The following PCM1 variants were observed in gnomAD, a reference collection of about 807,000 sequenced individuals.
PCM1 encodes pericentriolar material 1.
In PCM1, 157 loss-of-function variants were observed where a neutral mutation model predicts 241.9. The ratio of observed to expected loss-of-function variants is 0.65; its 90% CI spans 0.57 to 0.74. The LOEUF is 0.74. PCM1 is among the 30% of genes least tolerant of loss of function. The probability of loss-of-function intolerance (pLI) is 0.00; values close to 1 mark genes in which losing one functional copy is unlikely to be tolerated. For synonymous variants in PCM1, 1,085 were observed against 784.9 expected (o/e 1.38, Z -6.39); for missense variants, 3,478 against 2,360.1 (o/e 1.47, Z -9.81).
rs796282724 is a variant in PCM1 at position 18,029,805 on chromosome 8, ATGAG to A, written c.*2148_*2151del. On this transcript the variant is annotated 3_prime_UTR_variant, in exon 39 of 39. Transcript: ENST00000325083. ...ATAGATAGAGGGAGAAAAGTTCAAA[ATGAG>A]TGAGAGAGAACTTTATGCAGGTTGA... 1.5e-5 allele frequency: 3 copies of A among 196,546 alleles called. No homozygotes were observed. The highest frequency in any genetic ancestry group is 4.6e-5 in the African/African-American group (2 of 43,442). 12.2% of individuals were successfully genotyped at this position (196,546 alleles called of 1,614,324 possible). A position where few individuals can be genotyped will look rare whatever the true frequency, so the allele number is the denominator to read the frequency against.
intron 36 of PCM1, among the ~76,000 whole-genome samples, chr8:18,016,672 T>TTGTA (rs1400571385): frequency 6.6e-6 from 1 of 152,190 alleles, no homozygotes; most frequent in African/African-American, 2.4e-5. Context: ...ATAAAATGAA[T>TTGTA]TGTATGTAGG....
At chr8:17,946,866 TGTGTG>T (rs1360718643) in intron 6 of PCM1, among the ~76,000 whole-genome samples, 2 of 151,542 alleles carry the variant, frequency 1.3e-5, no homozygotes, top group African/African-American at 4.9e-5. Flanking sequence ...TGTGTGTGTG[TGTGTG>T]TCCATGTGTC....
At chr8:17,936,668 A>G (rs1201222961) in intron 3 of PCM1, among the ~76,000 whole-genome samples, 1 of 152,224 alleles carries the variant, frequency 6.6e-6, no homozygotes, top group Non-Finnish European at 1.5e-5. Context: ...AGCAAAATAA[A>G]TAGCCTAGGG....
At chr8:17,928,737 T>C (rs1585485433) in intron 2 of PCM1, among the ~76,000 whole-genome samples, 1 of 150,956 alleles carries the variant, frequency 6.6e-6, no homozygotes, top group African/African-American at 2.4e-5. Context: ...GTTCAAACGA[T>C]TCTCCTGCCT....
rs1446834823 is a variant in PCM1 at position 17,995,626 on chromosome 8, A to G, written c.4827+2007A>G. Among the ~76,000 whole-genome samples the G allele has an allele frequency of 1.3e-5, 2 of 151,340 alleles. 1 individual carries two copies. The highest frequency in any genetic ancestry group is 4.1e-4 in the South Asian group (2 of 4,832). On this transcript the variant is annotated intron_variant, in intron 29 of 38. Coordinates refer to ENST00000325083, the MANE Select transcript of PCM1 (RefSeq NM_006197.4). ...GAATGTCATTGGTATTTTGATCACA[A>G]TTGTATTGAATCTGTAGATTGCTTC...
intron 3 of PCM1, among the ~76,000 whole-genome samples, chr8:17,936,622 C>T (rs138320561): frequency 5.6e-4 from 85 of 152,102 alleles, no homozygotes; most frequent in African/African-American, 1.9e-3. Context: ...TTGAAGGTGA[C>T]ACTATTTTAG....
chr8:18,004,569 A>AAC (rs1421188734), intron 29 of PCM1, among the ~76,000 whole-genome samples: 12 of 152,338 alleles, frequency 7.9e-5, no homozygotes, highest in African/African-American at 2.9e-4. Flanking sequence ...GAGGCCAGTA[A>AAC]AGAGTAGAAC....
chr8:17,944,056 C>G (rs76043107), intron 6 of PCM1, among the ~76,000 whole-genome samples: 1 of 152,290 alleles, frequency 6.6e-6, no homozygotes, highest in Non-Finnish European at 1.5e-5. Context: ...GCCATGCGTT[C>G]ATTGTTTTCC....
rs769038844 is a variant in PCM1 at position 17,969,738 on chromosome 8, G to A, written c.3574G>A (p.Glu1192Lys). 6.6e-7 allele frequency: 1 copy of A among 1,523,114 alleles called. No homozygotes were observed. The highest frequency in any genetic ancestry group is 8.8e-7 in the Non-Finnish European group (1 of 1,139,534). 94.3% of individuals were successfully genotyped at this position (1,523,114 alleles called of 1,614,324 possible). Residue 1192 changes from glutamate to lysine, a missense_variant, in exon 22 of 39, where the codon GAG becomes AAG. Glu to Lys is a moderately conservative substitution (Grantham distance 56). Transcript: ENST00000325083. The part of the protein sequence containing the change: ...PFESSSSIGA[E>K]KPRNKKLPEE... ...TGAAAGCAGTTCCTCTATTGGAGCA[G>A]AGAAACCAAGGTACTGATTGTAAAC...
chr8:17,978,819 A>G (rs2079653228), intron 23 of PCM1, among the ~76,000 whole-genome samples: 1 of 152,220 alleles, frequency 6.6e-6, no homozygotes, highest in Non-Finnish European at 1.5e-5. Context: ...AGCAAATTGA[A>G]TCTGCCATTG....
chr8:17,941,120 C>G (rs1361007977), intron 6 of PCM1, among the ~76,000 whole-genome samples: 1 of 152,076 alleles, frequency 6.6e-6, no homozygotes, highest in African/African-American at 2.4e-5. Flanking sequence ...AGAGCCTGAT[C>G]CAAACAGTTG....
intron 7 of PCM1, among the ~76,000 whole-genome samples, chr8:17,948,879 G>A (rs1009089365): frequency 2.0e-5 from 3 of 152,084 alleles, no homozygotes; most frequent in African/African-American, 7.2e-5. Flanking sequence ...CTCTAAACTT[G>A]CATAATCTCC....
intron 21 of PCM1, 100 bp downstream of exon 21, chr8:17,967,270 G>T: frequency 3.7e-6 from 3 of 802,848 alleles, no homozygotes; most frequent in Admixed American, 3.3e-5. Flanking sequence ...CTTTTGGAGT[G>T]GGGTAGGAAA....
At position 17,931,712 on chromosome 8, in the gene PCM1, C is replaced by G. The variant is rs547600065; in HGVS notation, c.-22-3877C>G. Among the ~76,000 whole-genome samples, 14 of 152,104 alleles carry G rather than the reference C, an allele frequency of 9.2e-5. No individual in the cohort carries two copies. In the East Asian group the frequency reaches 2.7e-3, roughly 29 times the overall value. On this transcript the variant is annotated intron_variant, in intron 2 of 38. Transcript: ENST00000325083. ...CGTTTCAAAACAATTGCTTTTAGTACTTTTAAATATGGCATCACTTCTGTT... is the reference window on the plus strand; with the variant it reads ...CGTTTCAAAACAATTGCTTTTAGTAGTTTTAAATATGGCATCACTTCTGTT...
rs1564395436 is a variant in PCM1, at chr8:18,014,583, G to C, written c.5585-1G>C. 1 of 1,595,598 alleles carries C rather than the reference G, an allele frequency of 6.3e-7. No individual in the cohort carries two copies. On this transcript the variant is annotated splice_acceptor_variant, in intron 35 of 38. Coordinates refer to ENST00000325083, the MANE Select transcript of PCM1 (RefSeq NM_006197.4). LOFTEE classifies it high-confidence loss of function. ...ATGTTAAGACTTTCTTTTGATGACA[G>C]ATGACCAAAATAACTGTCCTGTGAA...
chr8:17,982,241 T>C (rs2081090189), intron 24 of PCM1, among the ~76,000 whole-genome samples: 1 of 152,122 alleles, frequency 6.6e-6, no homozygotes, highest in South Asian at 2.1e-4. Flanking sequence ...AATTTTATAA[T>C]TTTCATCTCC....
At chr8:17,957,167 C>G in intron 11 of PCM1, 97 bp from the exon 12 acceptor site, 1 of 913,072 alleles carries the variant, frequency 1.1e-6, no homozygotes, top group Admixed American at 2.6e-5. Flanking sequence ...CAACAATGTG[C>G]TTGGTTTGGT....
intron 7 of PCM1, among the ~76,000 whole-genome samples, chr8:17,949,370 C>T (rs1476161481): frequency 6.6e-6 from 1 of 151,966 alleles, no homozygotes; most frequent in African/African-American, 2.4e-5. Flanking sequence ...TTTCTTTCTT[C>T]TCAGCATAGA....
intron 24 of PCM1, among the ~76,000 whole-genome samples, chr8:17,982,932 C>A (rs138904036): frequency 3.0e-4 from 45 of 152,314 alleles, no homozygotes; most frequent in African/African-American, 1.0e-3. Flanking sequence ...TTAAATTACG[C>A]AGTCTTCTTC....
Sources: gnomAD v4.1 joint callset for allele counts (sites outside exome capture counted in the v4.1 genomes callset) on GRCh38, gnomAD v4.1.1 for gene constraint, MANE v1.5 for transcripts, NCBI Gene and HGNC (gene_info 2026-07-23, HGNC 2026-07-21) for gene names.